The following CPNE8 variants were observed in gnomAD, a reference collection of about 807,000 sequenced individuals.
The protein encoded by CPNE8 is copine 8.
A neutral mutation model predicts 81.5 loss-of-function variants in CPNE8; 45 were observed. That is an observed-to-expected ratio of 0.55 (90% CI 0.44 to 0.71). CPNE8 has a LOEUF of 0.71. CPNE8 is among the 30% of genes least tolerant of loss of function. CPNE8 has a pLI of 0.00. For missense variants in CPNE8, 594 were observed against 672.1 expected (o/e 0.88, Z 1.28); for synonymous variants, 252 against 226.3 (o/e 1.11, Z -1.02).
At chr12:38,861,210 G>C (rs1288431341) in intron 3 of CPNE8, among the ~76,000 whole-genome samples, 1 of 152,084 alleles carries the variant, frequency 6.6e-6, no homozygotes, top group Non-Finnish European at 1.5e-5. Context: ...AGCACAGAAT[G>C]GTGGGTGCCA....
intron 15 of CPNE8, among the ~76,000 whole-genome samples, chr12:38,688,310 C>A (rs145195189): frequency 6.6e-6 from 1 of 152,216 alleles, no homozygotes; most frequent in East Asian, 1.9e-4. Context: ...ATTAGTCCTA[C>A]CATAATAAGT....
chr12:38,813,319 T>C (rs1942968326), intron 6 of CPNE8, among the ~76,000 whole-genome samples: 1 of 151,970 alleles, frequency 6.6e-6, no homozygotes, highest in Non-Finnish European at 1.5e-5. Context: ...ACAAGGGTAG[T>C]GGAGGTGGAG....
chr12:38,739,776 C>T (rs1488375645), intron 10 of CPNE8, among the ~76,000 whole-genome samples: 1 of 152,114 alleles, frequency 6.6e-6, no homozygotes, highest in East Asian at 1.9e-4. Context: ...CAGCCCTAAT[C>T]TCAATATATA....
chr12:38,879,729 C>A (rs977696456), intron 1 of CPNE8, among the ~76,000 whole-genome samples: 1 of 151,892 alleles, frequency 6.6e-6, no homozygotes, highest in Non-Finnish European at 1.5e-5. Flanking sequence ...AAAAAGACGA[C>A]CTGTGTGTGA....
At chr12:38,706,502 T>G (rs1325080391) in intron 13 of CPNE8, among the ~76,000 whole-genome samples, 2 of 152,178 alleles carry the variant, frequency 1.3e-5, no homozygotes, top group African/African-American at 2.4e-5. Flanking sequence ...AATCTCATGC[T>G]TGGGCAAATT....
intron 15 of CPNE8, among the ~76,000 whole-genome samples, chr12:38,690,390 A>G (rs556659879): frequency 4.1e-4 from 63 of 152,348 alleles, no homozygotes; most frequent in African/African-American, 1.5e-3. Flanking sequence ...TTTATCCAAC[A>G]AAACAGAAGT....
intron 4 of CPNE8, among the ~76,000 whole-genome samples, chr12:38,841,076 A>T (rs1460214880): frequency 6.6e-6 from 1 of 152,190 alleles, no homozygotes; most frequent in Non-Finnish European, 1.5e-5. Context: ...AATCATTAAA[A>T]GTTCACTGAG....
intron 6 of CPNE8, among the ~76,000 whole-genome samples, chr12:38,825,397 A>C (rs759609388): frequency 5.3e-5 from 8 of 152,086 alleles, no homozygotes; most frequent in African/African-American, 1.2e-4. Context: ...AGTGAAGTAC[A>C]TGGAAGAGCA....
intron 11 of CPNE8, among the ~76,000 whole-genome samples, chr12:38,728,892 A>G (rs759589424): frequency 2.0e-5 from 3 of 152,152 alleles, no homozygotes; most frequent in Non-Finnish European, 4.4e-5. Flanking sequence ...GAAAATATGC[A>G]TAATAAGAAA....
At chr12:38,806,079 A>C (rs1942794581) in intron 6 of CPNE8, among the ~76,000 whole-genome samples, 1 of 150,424 alleles carries the variant, frequency 6.6e-6, no homozygotes, top group Non-Finnish European at 1.5e-5. Context: ...TGAATAGACC[A>C]ATAACAGGCT....
intron 6 of CPNE8, among the ~76,000 whole-genome samples, chr12:38,820,098 G>A (rs1274487086): frequency 6.6e-6 from 1 of 151,892 alleles, no homozygotes; most frequent in African/African-American, 2.4e-5. Flanking sequence ...TATACAAAAA[G>A]CAACCATTTG....
At chr12:38,786,547 C>T (rs979657821) in intron 6 of CPNE8, among the ~76,000 whole-genome samples, 1 of 152,148 alleles carries the variant, frequency 6.6e-6, no homozygotes, top group Non-Finnish European at 1.5e-5. Context: ...CCTTGATCCT[C>T]AGCCTGCAGA....
intron 13 of CPNE8, among the ~76,000 whole-genome samples, chr12:38,712,356 T>TGTGC (rs1388939956): frequency 5.9e-5 from 9 of 151,938 alleles, no homozygotes; most frequent in African/African-American, 2.2e-4. Flanking sequence ...AGAACACACA[T>TGTGC]GTGCCACCAC....
intron 1 of CPNE8, among the ~76,000 whole-genome samples, chr12:38,880,896 G>A (rs1592152718): frequency 6.6e-6 from 1 of 151,914 alleles, no homozygotes; most frequent in East Asian, 1.9e-4. Flanking sequence ...ACTGTGTACA[G>A]GCAAAAAGGA....
intron 6 of CPNE8, among the ~76,000 whole-genome samples, chr12:38,826,888 G>A (rs1440358273): frequency 6.6e-6 from 1 of 151,762 alleles, no homozygotes; most frequent in Admixed American, 6.6e-5. Flanking sequence ...ATACCACATA[G>A]GCTGGGTGCA....
rs1295040830 is a variant in CPNE8, at chr12:38,840,082, T to G, written c.291-127A>C. The G allele has an allele frequency of 5.3e-6, 5 of 943,046 alleles. No individual in the cohort carries two copies. The East Asian group carries it at 1.5e-4, about 27-fold the overall frequency. The allele number at this position is 943,046 out of a possible 1,614,324, so 58.4% of individuals were successfully genotyped here. A position where few individuals can be genotyped will look rare whatever the true frequency, so the allele number is the denominator to read the frequency against. ...AAATAATACCAATAGGAAGAAAAAC[T>G]TAGCAAATTTTAAAGTTTCACATAT... On this transcript the variant is annotated intron_variant, in intron 4 of 19. Transcript: ENST00000331366.
chr12:38,704,826 G>GTATATATATGTATATATA (rs58878926), intron 13 of CPNE8, among the ~76,000 whole-genome samples: 1 of 50,200 alleles, frequency 2.0e-5, no homozygotes, highest in Non-Finnish European at 5.5e-5. Context: ...GTATGTATGT[G>GTATATATATGTATATATA]TATATATATA....
intron 19 of CPNE8, among the ~76,000 whole-genome samples, chr12:38,659,526 T>A (rs1362823219): frequency 6.6e-6 from 1 of 152,178 alleles, no homozygotes; most frequent in Non-Finnish European, 1.5e-5. Flanking sequence ...GGAACTGAAC[T>A]CAGCTCTGCA....
chr12:38,783,682 C>T (rs965415296), intron 6 of CPNE8, among the ~76,000 whole-genome samples: 1 of 152,162 alleles, frequency 6.6e-6, no homozygotes, highest in Non-Finnish European at 1.5e-5. Flanking sequence ...AAGAGAGACC[C>T]TGTTTGTTTG....
Sources: allele counts gnomAD v4.1 joint callset (sites outside exome capture counted in the v4.1 genomes callset), GRCh38; gene constraint gnomAD v4.1.1; transcripts MANE v1.5; gene names NCBI Gene and HGNC (gene_info 2026-07-23, HGNC 2026-07-21).